The following ARHGAP35 variants were observed in gnomAD, a reference collection of about 807,000 sequenced individuals.
ARHGAP35 encodes Rho GTPase activating protein 35, also known as rho GTPase-activating protein 35.
ARHGAP35 carries 15 observed loss-of-function variants against 111.1 expected under a neutral mutation model. The ratio of observed to expected loss-of-function variants is 0.13; its 90% CI spans 0.09 to 0.21. ARHGAP35 has a LOEUF of 0.21. Among genes scored for constraint, ARHGAP35 ranks in the 10% least tolerant of loss-of-function variants. ARHGAP35 has a pLI of 1.00. For missense variants in ARHGAP35, 1,262 were observed against 1,873.0 expected, an observed-to-expected ratio of 0.67 and a Z score of 6.02; for synonymous variants, 643 against 710.3, an observed-to-expected ratio of 0.91 and a Z score of 1.51.
rs541630011 is a variant in ARHGAP35 at position 46,924,423 on chromosome 19, T to A, written c.3681+2067T>A. ...ACCAGGAGCTTCCAGAGTTTTCTCA[T>A]CTGTGCAGTGTGAGAAAGGGCAGAG... On this transcript the variant is annotated intron_variant, in intron 2 of 6. Transcript: ENST00000672722. 1.5e-4 allele frequency among the ~76,000 whole-genome samples: 23 copies of A among 152,330 alleles called. No individual in the cohort carries two copies. The East Asian group carries it at 4.0e-3, about 27-fold the overall frequency.
At chr19:46,899,313 A>C (rs1376104134) in intron 1 of ARHGAP35, among the ~76,000 whole-genome samples, 1 of 152,170 alleles carries the variant, frequency 6.6e-6, no homozygotes, top group Non-Finnish European at 1.5e-5. Flanking sequence ...TGGACCATAG[A>C]GTTCTTTTTG....
At chr19:46,910,995 T>G (rs1200653933) in intron 1 of ARHGAP35, among the ~76,000 whole-genome samples, 1 of 152,196 alleles carries the variant, frequency 6.6e-6, no homozygotes, top group East Asian at 1.9e-4. Flanking sequence ...TGTGAGCCAC[T>G]GCGCCCTGCT....
chr19:46,967,132 T>G (rs1395557033), intron 3 of ARHGAP35, among the ~76,000 whole-genome samples: 1 of 151,324 alleles, frequency 6.6e-6, no homozygotes, highest in Admixed American at 6.6e-5. Context: ...TTTTCTCAGA[T>G]CCCTAGAATT....
chr19:46,918,843 C>T lies in ARHGAP35; in HGVS notation c.168C>T (p.Ser56=), dbSNP rs750532399. Residue 56 remains serine (S), a synonymous_variant, in exon 2 of 7, where the codon TCC becomes TCT. Coordinates refer to ENST00000672722, the MANE Select transcript of ARHGAP35 (RefSeq NM_004491.5). This position sits in a 1 kb window ranked among gnomAD's most constrained non-coding sequence, Gnocchi z 5.4. ...ACGAGTTTCACTTGGACCATACCTC[C>T]GTCCTCAGCACCAGTGACTTTGGAG... ...SADEFHLDHT[S]VLSTSDFGGR... 18 of 1,613,856 alleles carry T rather than the reference C, an allele frequency of 1.1e-5. No individual in the cohort carries two copies. The highest frequency in any genetic ancestry group is 2.2e-5 in the South Asian group (2 of 91,084).
intron 1 of ARHGAP35, among the ~76,000 whole-genome samples, chr19:46,884,105 G>A (rs1161901528): frequency 6.6e-6 from 1 of 152,110 alleles, no homozygotes; most frequent in Non-Finnish European, 1.5e-5. Context: ...GCTTTGTCAA[G>A]GAGAGAATTT....
chr19:46,900,768 G>GAAA (rs11373507), intron 1 of ARHGAP35, among the ~76,000 whole-genome samples: 1 of 150,006 alleles, frequency 6.7e-6, no homozygotes. Context: ...AGAAATTAAA[G>GAAA]AAAAAAAAAA....
chr19:46,962,804 A>G (rs1414494719), intron 3 of ARHGAP35, among the ~76,000 whole-genome samples: 1 of 151,842 alleles, frequency 6.6e-6, no homozygotes, highest in African/African-American at 2.4e-5. Flanking sequence ...AGTAGAGATG[A>G]GGTTTTACCA....
intron 3 of ARHGAP35, among the ~76,000 whole-genome samples, chr19:46,961,487 G>T (rs552603793): frequency 1.3e-5 from 2 of 152,208 alleles, no homozygotes. Context: ...TAGAATTGCA[G>T]CTGCCTTACA....
At chr19:46,950,590 C>G (rs895456410) in intron 3 of ARHGAP35, among the ~76,000 whole-genome samples, 6 of 152,202 alleles carry the variant, frequency 3.9e-5, no homozygotes, top group Non-Finnish European at 8.8e-5. Flanking sequence ...TGTTACTGAG[C>G]TTGTGGTGGT....
intron 3 of ARHGAP35, among the ~76,000 whole-genome samples, chr19:46,972,956 A>G (rs1243433665): frequency 6.6e-6 from 1 of 152,248 alleles, no homozygotes; most frequent in Non-Finnish European, 1.5e-5. Flanking sequence ...AAACAGGCAG[A>G]TAGTATTCAA....
rs1453555375 is a variant in ARHGAP35, at chr19:46,922,709, C to T, written c.3681+353C>T. 2.0e-5 allele frequency among the ~76,000 whole-genome samples: 3 copies of T among 152,200 alleles called. No individual in the cohort carries two copies. The highest frequency in any genetic ancestry group is 4.4e-5 in the Non-Finnish European group (3 of 68,036). ...AACACCAGAACTCAAAACTGCTTGC[C>T]GCAGTCTCTCACTGCTAAACATAAC... On this transcript the variant is annotated intron_variant, in intron 2 of 6. Transcript: ENST00000672722. The surrounding 1 kb of genome is among the most constrained non-coding windows in gnomAD (Gnocchi z 4.0).
chr19:46,886,607 C>T (rs1400439564), intron 1 of ARHGAP35, among the ~76,000 whole-genome samples: 1 of 152,030 alleles, frequency 6.6e-6, no homozygotes, highest in African/African-American at 2.4e-5. Context: ...ACCCTTGATT[C>T]TAGGGATCGG....
intron 2 of ARHGAP35, among the ~76,000 whole-genome samples, chr19:46,927,760 G>A (rs1167748514): frequency 3.9e-5 from 6 of 152,096 alleles, no homozygotes; most frequent in Admixed American, 3.9e-4. Context: ...GGTAACTAAG[G>A]CTCAGAGAGA....
chr19:46,897,403 G>C (rs1228775275), intron 1 of ARHGAP35, among the ~76,000 whole-genome samples: 2 of 149,860 alleles, frequency 1.3e-5, no homozygotes, highest in African/African-American at 4.9e-5. Flanking sequence ...CATAAGTATA[G>C]TTTTAGTAGT....
At position 46,920,604 on chromosome 19, in the gene ARHGAP35, T is replaced by C. The variant is rs760701890; in HGVS notation, c.1929T>C (p.Asn643=). The change falls in exon 2 of 7, where the codon AAT becomes AAC. Residue 643 remains asparagine, a synonymous_variant. Transcript: ENST00000672722. The surrounding 1 kb of genome is among the most constrained non-coding windows in gnomAD (Gnocchi z 7.0). The part of the protein sequence containing the change: ...YELSLRPIEG[N]VRLPVNSFQT... ...TTTCCCTGAGGCCAATAGAGGGGAA[T>C]GTCAGGCTTCCTGTGAACTCTTTCC... 3 of 1,614,038 alleles carry C rather than the reference T, an allele frequency of 1.9e-6. No homozygotes were observed. Among genetic ancestry groups the C allele is most frequent in the Admixed American group, 1.7e-5 (1 of 60,030 alleles).
rs773387133 is a variant in ARHGAP35, at chr19:47,000,578, T to C, written c.4390T>C (p.Ser1464Pro). The C allele has an allele frequency of 6.2e-7, 1 of 1,612,860 alleles. No individual in the cohort carries two copies. Among genetic ancestry groups the C allele is most frequent in the African/African-American group, 1.3e-5 (1 of 74,656 alleles). The change falls in exon 7 of 7, where the codon TCC (serine) becomes CCC (proline). Residue 1464 changes from serine to proline, a missense_variant. Transcript: ENST00000672722. This position sits in a 1 kb window ranked among gnomAD's most constrained non-coding sequence, Gnocchi z 6.9. ...AVASTVPFLT[S>P]TPVTSQPSPP... ...GGCTTCCACCGTCCCCTTCCTCACT[T>C]CCACGCCTGTCACAAGTCAGCCGTC... is the stretch of plus-strand genomic sequence containing the variant.
rs1413833297 is a variant in ARHGAP35, at chr19:46,970,014, GC to G, written c.3827-17973del. 2.6e-5 allele frequency among the ~76,000 whole-genome samples: 4 copies of G among 152,172 alleles called. No homozygotes were observed. The East Asian group carries it at 7.7e-4, about 29-fold the overall frequency. On this transcript the variant is annotated intron_variant, in intron 3 of 6. Transcript: ENST00000672722. ...ACTGTGAGGAATTGGGGCAAAGACTGCCTCTTCTTTCCATTACCTGTGACCC... is the reference window on the plus strand; with the variant it reads ...ACTGTGAGGAATTGGGGCAAAGACTGCTCTTCTTTCCATTACCTGTGACCC...
chr19:46,994,152 G>A lies in ARHGAP35; in HGVS notation c.4036+4477G>A, dbSNP rs1040979240. ...ACCCTGGGCACCTGTACCATGGCGG[G>A]TCCGGGTTGCAGCAGCTCACCCAGG... is the stretch of plus-strand genomic sequence containing the variant. On this transcript the variant is annotated intron_variant, in intron 5 of 6. Transcript: ENST00000672722. This position sits in a 1 kb window ranked among gnomAD's most constrained non-coding sequence, Gnocchi z 5.4. 6.6e-6 allele frequency among the ~76,000 whole-genome samples: 1 copy of A among 152,150 alleles called. No individual in the cohort carries two copies. Among genetic ancestry groups the A allele is most frequent in the Non-Finnish European group, 1.5e-5 (1 of 68,004 alleles).
In ARHGAP35 at chr19:46,993,623, G is replaced by T. The variant is rs1041404154; in HGVS notation, c.4036+3948G>T. 6.6e-6 allele frequency among the ~76,000 whole-genome samples: 1 copy of T among 152,168 alleles called. No individual in the cohort carries two copies. The highest frequency in any genetic ancestry group is 1.5e-5 in the Non-Finnish European group (1 of 68,022). On this transcript the variant is annotated intron_variant, in intron 5 of 6. Transcript: ENST00000672722. The surrounding 1 kb of genome is among the most constrained non-coding windows in gnomAD (Gnocchi z 4.6). ...CTCCTGAGTTCTTGGGGTCTCTATTGTACTAAATTGCTGGATCTGTGTCCA... is the reference window on the plus strand; with the variant it reads ...CTCCTGAGTTCTTGGGGTCTCTATTTTACTAAATTGCTGGATCTGTGTCCA...
Sources: gnomAD v4.1 joint callset for allele counts (sites outside exome capture counted in the v4.1 genomes callset) on GRCh38, gnomAD v4.1.1 for gene constraint, Gnocchi (gnomAD v3.1) non-coding constraint, MANE v1.5 for transcripts, NCBI Gene and HGNC (gene_info 2026-07-23, HGNC 2026-07-21) for gene names.